UCK2: variants seen among roughly 807,000 people sequenced by gnomAD.
The protein encoded by UCK2 is uridine-cytidine kinase 2.
In UCK2, 6 loss-of-function variants were observed where a neutral mutation model predicts 30.8. That is an observed-to-expected ratio of 0.19 (90% CI 0.11 to 0.38). The LOEUF (loss-of-function observed/expected upper bound fraction) is 0.38, where lower values mean the gene tolerates loss of function less well. UCK2 is among the 10% of genes least tolerant of loss of function. The pLI, the probability that UCK2 is intolerant of heterozygous loss-of-function variation, is 1.00. For missense variants in UCK2, 210 were observed against 339.8 expected (o/e 0.62, Z 3.00); for synonymous variants, 125 against 133.6 (o/e 0.94, Z 0.45).
chr1:165,869,102 G>A (rs1655124205), intron 1 of UCK2, among the ~76,000 whole-genome samples: 1 of 152,168 alleles, frequency 6.6e-6, no homozygotes, highest in African/African-American at 2.4e-5. Flanking sequence ...GTCAGAACAT[G>A]TACATTAATG....
intron 1 of UCK2, among the ~76,000 whole-genome samples, chr1:165,834,130 T>A (rs1654124396): frequency 6.6e-6 from 1 of 152,188 alleles, no homozygotes; most frequent in Non-Finnish European, 1.5e-5. Context: ...TTGGTGGTGT[T>A]AGTTTTGGTG....
At chr1:165,889,535 G>A (rs1655710025) in intron 1 of UCK2, among the ~76,000 whole-genome samples, 1 of 152,066 alleles carries the variant, frequency 6.6e-6, no homozygotes, top group Non-Finnish European at 1.5e-5. Flanking sequence ...AGGCTCTTCT[G>A]GAGGAGGAGG....
chr1:165,903,379 T>C, intron 5 of UCK2, 100 bp downstream of exon 5: 1 of 963,772 alleles, frequency 1.0e-6, no homozygotes, highest in Non-Finnish European at 1.6e-6. Context: ...TGCCTGAATC[T>C]CACTCCTCTC....
chr1:165,861,585 G>A (rs1444018172), intron 1 of UCK2, among the ~76,000 whole-genome samples: 1 of 104,982 alleles, frequency 9.5e-6, no homozygotes, highest in Admixed American at 1.4e-4. Flanking sequence ...CCGAGATCCC[G>A]CCACCGCACT....
At chr1:165,882,825 C>T (rs1655530443) in intron 1 of UCK2, among the ~76,000 whole-genome samples, 1 of 152,064 alleles carries the variant, frequency 6.6e-6, no homozygotes, top group Non-Finnish European at 1.5e-5. Flanking sequence ...CCTTAACACT[C>T]ACTCTTTTGT....
At position 165,836,559 on chromosome 1, in the gene UCK2, C is replaced by T. The variant is rs182884739; in HGVS notation, c.99+8627C>T. 1.8e-4 allele frequency among the ~76,000 whole-genome samples: 27 copies of T among 152,260 alleles called. No individual in the cohort carries two copies. The East Asian group carries it at 4.8e-3, about 27-fold the overall frequency. ...TCATCTCCTCTAATTTTGTAGAAAG[C>T]AGGAAAACTGGAAACCTCCAGACTT... On this transcript the variant is annotated intron_variant, in intron 1 of 6. Coordinates refer to ENST00000367879, the MANE Select transcript of UCK2 (RefSeq NM_012474.5).
intron 1 of UCK2, among the ~76,000 whole-genome samples, chr1:165,860,561 A>C (rs61802911): frequency 0.37 from 55,614 of 151,680 alleles, 10,479 homozygotes; most frequent in Non-Finnish European, 0.43. Context: ...TGATTCTCCC[A>C]CCTCAGCCTC....
intron 1 of UCK2, among the ~76,000 whole-genome samples, chr1:165,842,998 T>G (rs1452673536): frequency 1.3e-5 from 2 of 152,220 alleles, no homozygotes; most frequent in East Asian, 3.8e-4. Context: ...TCACTTTTAC[T>G]CATCCTTCAA....
intron 6 of UCK2, among the ~76,000 whole-genome samples, chr1:165,907,136 A>G (rs956147895): frequency 6.6e-6 from 1 of 152,238 alleles, no homozygotes; most frequent in Non-Finnish European, 1.5e-5. Context: ...TGTGTATCAC[A>G]TCAGAAAGCA....
At chr1:165,901,414 A>G (rs939804528) in intron 4 of UCK2, among the ~76,000 whole-genome samples, 1 of 152,186 alleles carries the variant, frequency 6.6e-6, no homozygotes, top group Non-Finnish European at 1.5e-5. Flanking sequence ...TAGCCATGAC[A>G]GCCTCCCCGT....
At chr1:165,864,878 G>A (rs1359584331) in intron 1 of UCK2, among the ~76,000 whole-genome samples, 1 of 151,908 alleles carries the variant, frequency 6.6e-6, no homozygotes, top group Non-Finnish European at 1.5e-5. Flanking sequence ...GTAGAGATGA[G>A]GTTCTCAATG....
intron 1 of UCK2, among the ~76,000 whole-genome samples, chr1:165,862,468 A>G (rs1320401710): frequency 1.3e-5 from 2 of 152,232 alleles, no homozygotes; most frequent in Non-Finnish European, 2.9e-5. Flanking sequence ...CTTCAGGATT[A>G]GCAGTGTTTC....
chr1:165,907,488 C>T (rs745675657), intron 6 of UCK2, among the ~76,000 whole-genome samples, 196 bp from the exon 7 acceptor site: 8 of 152,174 alleles, frequency 5.3e-5, no homozygotes, highest in Non-Finnish European at 1.0e-4. Context: ...TTAGAGCCCT[C>T]CTGTGAAGGA....
At chr1:165,833,862 A>G (rs1198581502) in intron 1 of UCK2, among the ~76,000 whole-genome samples, 1 of 152,074 alleles carries the variant, frequency 6.6e-6, no homozygotes, top group Non-Finnish European at 1.5e-5. Flanking sequence ...CCATTAAACC[A>G]TTTCAGTCAT....
chr1:165,836,747 G>A (rs1236843414), intron 1 of UCK2, among the ~76,000 whole-genome samples: 2 of 152,170 alleles, frequency 1.3e-5, no homozygotes, highest in Non-Finnish European at 2.9e-5. Flanking sequence ...GCTTTCATGT[G>A]GCTCAGGAAG....
intron 1 of UCK2, among the ~76,000 whole-genome samples, chr1:165,879,749 A>C (rs987510951): frequency 6.6e-6 from 1 of 152,000 alleles, no homozygotes; most frequent in African/African-American, 2.4e-5. Context: ...AATTCAGCAA[A>C]ACTTAGAAGG....
chr1:165,835,054 G>C lies in UCK2; in HGVS notation c.99+7122G>C, dbSNP rs533273838. 4.6e-5 allele frequency among the ~76,000 whole-genome samples: 7 copies of C among 152,144 alleles called. 1 individual carries two copies. Among genetic ancestry groups the C allele is most frequent in the South Asian group, 4.1e-4 (2 of 4,824 alleles). On this transcript the variant is annotated intron_variant, in intron 1 of 6. Coordinates refer to ENST00000367879, the MANE Select transcript of UCK2 (RefSeq NM_012474.5). The stretch of plus-strand genomic sequence containing the variant: ...GAGCAAGGGCTGTTTTGTCATCTCA[G>C]CTAGCATGCTCTGCTTTCCCTTGCC...
At chr1:165,830,790 T>C (rs2101845998) in intron 1 of UCK2, among the ~76,000 whole-genome samples, 1 of 152,146 alleles carries the variant, frequency 6.6e-6, no homozygotes, top group African/African-American at 2.4e-5. Context: ...TCCTAGCATT[T>C]TGGGAGGCAG....
chr1:165,827,765 C>T lies in UCK2; in HGVS notation c.-69C>T. 7.9e-7 allele frequency: 1 copy of T among 1,262,060 alleles called. No homozygotes were observed. The highest frequency in any genetic ancestry group is 1.0e-6 in the Non-Finnish European group (1 of 988,578). The allele number at this position is 1,262,060 out of a possible 1,614,324, so 78.2% of individuals were successfully genotyped here. A position where few individuals can be genotyped will look rare whatever the true frequency, so the allele number is the denominator to read the frequency against. On this transcript the variant is annotated 5_prime_UTR_variant, in exon 1 of 7. Transcript: ENST00000367879. ...GGCGGCTGCGGAAAGCGGAGGGAGT[C>T]CGACGCGGGCGCGGGCGGGGAGCGT...
Sources: gnomAD v4.1 joint callset for allele counts (sites outside exome capture counted in the v4.1 genomes callset) on GRCh38, gnomAD v4.1.1 for gene constraint, MANE v1.5 for transcripts, NCBI Gene and HGNC (gene_info 2026-07-23, HGNC 2026-07-21) for gene names.